The following FABP12 variants were observed in gnomAD, a reference collection of about 807,000 sequenced individuals.
FABP12 encodes fatty acid binding protein 12.
Under a neutral mutation model 13.7 loss-of-function variants are expected in FABP12, and 19 were observed. The ratio of observed to expected loss-of-function variants is 1.39; its 90% CI spans 0.97 to 2.04. The LOEUF is 2.04. FABP12 is among the 30% of genes most tolerant of loss of function. The pLI, the probability that FABP12 is intolerant of heterozygous loss-of-function variation, is 0.00. For synonymous variants in FABP12, 61 were observed against 57.0 expected (o/e 1.07, Z -0.32); for missense variants, 182 against 164.2 (o/e 1.11, Z -0.59).
intron 1 of FABP12, among the ~76,000 whole-genome samples, chr8:81,552,561 A>G (rs1330332941): frequency 6.6e-6 from 1 of 152,194 alleles, no homozygotes; most frequent in African/African-American, 2.4e-5. Flanking sequence ...AGAGGAAATA[A>G]GAGTGGAGAA....
chr8:81,548,160 T>C lies in FABP12; in HGVS notation c.-184-8417A>G, dbSNP rs559469363. ...ACTTCTAAAACATACTGGTGCCCAA[T>C]GTCCACCCCTGGTAATTAAATCAGA... On this transcript the variant is annotated intron_variant, in intron 1 of 5. Coordinates refer to the FABP12 transcript ENST00000692030. Among the ~76,000 whole-genome samples the C allele has an allele frequency of 6.6e-5, 10 of 152,306 alleles. No individual in the cohort carries two copies. The South Asian group carries it at 1.9e-3, about 28-fold the overall frequency.
At chr8:81,548,082 C>T (rs530176580) in intron 1 of FABP12, among the ~76,000 whole-genome samples, 2 of 152,268 alleles carry the variant, frequency 1.3e-5, no homozygotes, top group South Asian at 2.1e-4. Flanking sequence ...TCTCTTTTCA[C>T]AGTAACTGTG....
At chr8:81,579,882 CT>C (rs1449723138) in intron 1 of FABP12, among the ~76,000 whole-genome samples, 1 of 152,012 alleles carries the variant, frequency 6.6e-6, no homozygotes, top group Non-Finnish European at 1.5e-5. Context: ...CATTTATTCT[CT>C]TTCTTTTTTA....
At chr8:81,585,442 G>A (rs1161259583) in intron 1 of FABP12, among the ~76,000 whole-genome samples, 1 of 152,068 alleles carries the variant, frequency 6.6e-6, no homozygotes, top group African/African-American at 2.4e-5. Flanking sequence ...ATTGGTATGT[G>A]TCTGTTTTTA....
chr8:81,548,202 C>A (rs571188306), intron 1 of FABP12, among the ~76,000 whole-genome samples: 2 of 152,250 alleles, frequency 1.3e-5, no homozygotes, highest in African/African-American at 4.8e-5. Context: ...GGAAATGAAA[C>A]CTGAGCATAG....
intron 4 of FABP12, among the ~76,000 whole-genome samples, chr8:81,526,780 A>C (rs1808911768): frequency 6.6e-6 from 1 of 152,204 alleles, no homozygotes; most frequent in Non-Finnish European, 1.5e-5. Context: ...GCTTTGTTTT[A>C]CCTGTGAGTC....
At chr8:81,584,018 A>T (rs1298591211) in intron 1 of FABP12, among the ~76,000 whole-genome samples, 1 of 152,258 alleles carries the variant, frequency 6.6e-6, no homozygotes, top group South Asian at 2.1e-4. Context: ...TATTCCAGGG[A>T]TGCAAAGATT....
chr8:81,574,081 C>T (rs1809986854), intron 1 of FABP12, among the ~76,000 whole-genome samples: 1 of 152,154 alleles, frequency 6.6e-6, no homozygotes. Context: ...ATTATGTTGG[C>T]TGTGGGTTTG....
At chr8:81,560,129 G>T (rs771904618) in intron 1 of FABP12, among the ~76,000 whole-genome samples, 15 of 152,128 alleles carry the variant, frequency 9.9e-5, no homozygotes, top group Non-Finnish European at 1.8e-4. Context: ...ATTTACATAT[G>T]GCTGCTGCAA....
At chr8:81,553,188 C>G (rs1343300157) in intron 1 of FABP12, among the ~76,000 whole-genome samples, 2 of 152,200 alleles carry the variant, frequency 1.3e-5, no homozygotes, top group East Asian at 3.9e-4. Flanking sequence ...CTCCAGATAC[C>G]TATTTTGCAC....
At chr8:81,577,175 A>G (rs1450326107) in intron 1 of FABP12, among the ~76,000 whole-genome samples, 1 of 152,216 alleles carries the variant, frequency 6.6e-6, no homozygotes, top group African/African-American at 2.4e-5. Context: ...TATTCCTGGA[A>G]GTAGAATTTT....
chr8:81,533,623 T>C (rs1809144408), intron 1 of FABP12, among the ~76,000 whole-genome samples, 179 bp downstream of exon 1: 1 of 152,194 alleles, frequency 6.6e-6, no homozygotes, highest in Non-Finnish European at 1.5e-5. Context: ...CCACTGCCCA[T>C]TTTTAACTTG....
At chr8:81,587,557 A>T (rs1291648672) in intron 1 of FABP12, among the ~76,000 whole-genome samples, 1 of 152,098 alleles carries the variant, frequency 6.6e-6, no homozygotes, top group Non-Finnish European at 1.5e-5. Context: ...GCTATTTTGA[A>T]GCCACAAAAG....
chr8:81,557,316 A>C (rs1301667288), intron 1 of FABP12, among the ~76,000 whole-genome samples: 1 of 152,210 alleles, frequency 6.6e-6, no homozygotes, highest in East Asian at 1.9e-4. Flanking sequence ...ATATGGACAA[A>C]GTAAATCTAG....
At chr8:81,561,528 GATCACAGT>G (rs1809723583) in intron 1 of FABP12, among the ~76,000 whole-genome samples, 1 of 152,180 alleles carries the variant, frequency 6.6e-6, no homozygotes, top group South Asian at 2.1e-4. Flanking sequence ...TCAGGTGAGT[GATCACAGT>G]ATCTGGTTTT....
intron 1 of FABP12, among the ~76,000 whole-genome samples, chr8:81,556,931 A>T (rs1226146126): frequency 7.6e-6 from 1 of 131,786 alleles, no homozygotes; most frequent in Non-Finnish European, 1.5e-5. Context: ...GTCACCCAGG[A>T]TGGAGTGATC....
intron 1 of FABP12, among the ~76,000 whole-genome samples, chr8:81,583,297 T>G (rs1810195401): frequency 2.6e-5 from 4 of 151,672 alleles, no homozygotes; most frequent in Admixed American, 1.3e-4. Context: ...CTCAAGCAAC[T>G]AGAAAAGCAA....
At chr8:81,539,383 A>T (rs1401796433) in intron 2 of FABP12, among the ~76,000 whole-genome samples, 1 of 145,018 alleles carries the variant, frequency 6.9e-6, no homozygotes, top group African/African-American at 2.6e-5. Context: ...TATAAATTAA[A>T]TTTTTTCTGA....
chr8:81,582,629 T>A (rs1810183047), intron 1 of FABP12, among the ~76,000 whole-genome samples: 1 of 152,108 alleles, frequency 6.6e-6, no homozygotes, highest in African/African-American at 2.4e-5. Flanking sequence ...GATATAATGA[T>A]AAAGATATCA....
Sources: gnomAD v4.1 joint callset for allele counts (sites outside exome capture counted in the v4.1 genomes callset) on GRCh38, gnomAD v4.1.1 for gene constraint, MANE v1.5 for transcripts, NCBI Gene and HGNC (gene_info 2026-07-23, HGNC 2026-07-21) for gene names.